KCNIP4: variants seen among roughly 807,000 people sequenced by gnomAD.
KCNIP4 encodes the protein Kv channel-interacting protein 4.
A neutral mutation model predicts 34.0 loss-of-function variants in KCNIP4; 12 were observed. The ratio of observed to expected loss-of-function variants is 0.35; its 90% CI spans 0.23 to 0.57. The LOEUF is 0.57. KCNIP4 is among the 20% of genes least tolerant of loss of function. KCNIP4 has a pLI of 0.83. For synonymous variants in KCNIP4, 124 were observed against 102.2 expected (o/e 1.21, Z -1.29); for missense variants, 238 against 311.7 (o/e 0.76, Z 1.78).
intron 3 of KCNIP4, among the ~76,000 whole-genome samples, chr4:20,800,248 C>A (rs1180838450): frequency 6.6e-6 from 1 of 152,220 alleles, no homozygotes. Flanking sequence ...AGCCACTGCA[C>A]TTTGCCCAAC....
At chr4:20,981,601 G>T (rs1047801273) in intron 1 of KCNIP4, among the ~76,000 whole-genome samples, 4 of 152,188 alleles carry the variant, frequency 2.6e-5, no homozygotes, top group Non-Finnish European at 5.9e-5. Context: ...TGACAAGTCA[G>T]TTAACTTTAC....
At chr4:21,206,755 T>A (rs1473176849) in intron 1 of KCNIP4, among the ~76,000 whole-genome samples, 3 of 152,226 alleles carry the variant, frequency 2.0e-5, no homozygotes, top group African/African-American at 7.2e-5. Context: ...GATGCAGATT[T>A]GTATTCACAT....
At chr4:21,675,019 C>A (rs899129802) in intron 1 of KCNIP4, among the ~76,000 whole-genome samples, 2 of 152,106 alleles carry the variant, frequency 1.3e-5, no homozygotes, top group South Asian at 2.1e-4. Flanking sequence ...GCACTACTTA[C>A]AATAGCTAAG....
chr4:21,055,929 T>C (rs1743359131), intron 1 of KCNIP4, among the ~76,000 whole-genome samples: 1 of 152,148 alleles, frequency 6.6e-6, no homozygotes, highest in East Asian at 1.9e-4. Flanking sequence ...AACCCTCATA[T>C]AAACTACAAA....
At chr4:21,028,672 T>C (rs1431789034) in intron 1 of KCNIP4, among the ~76,000 whole-genome samples, 1 of 152,150 alleles carries the variant, frequency 6.6e-6, no homozygotes, top group Non-Finnish European at 1.5e-5. Context: ...ACATGACTGC[T>C]AGATGCCAGT....
chr4:21,522,687 T>C (rs1275062783), intron 1 of KCNIP4, among the ~76,000 whole-genome samples: 1 of 152,020 alleles, frequency 6.6e-6, no homozygotes, highest in Non-Finnish European at 1.5e-5. Context: ...CTACCTCTAC[T>C]AGTTACTACC....
intron 1 of KCNIP4, among the ~76,000 whole-genome samples, chr4:21,444,775 G>C (rs567435218): frequency 4.0e-4 from 61 of 152,232 alleles, no homozygotes; most frequent in Non-Finnish European, 7.9e-4. Flanking sequence ...GTTCTGGCCA[G>C]GGCAATCAGG....
At chr4:21,523,608 A>C (rs971568068) in intron 1 of KCNIP4, among the ~76,000 whole-genome samples, 1 of 151,394 alleles carries the variant, frequency 6.6e-6, no homozygotes, top group Non-Finnish European at 1.5e-5. Flanking sequence ...ATCAGTCTCT[A>C]TCACCCAGGT....
At chr4:21,759,798 C>G (rs1182103645) in intron 1 of KCNIP4, among the ~76,000 whole-genome samples, 2 of 152,038 alleles carry the variant, frequency 1.3e-5, no homozygotes, top group Non-Finnish European at 2.9e-5. Flanking sequence ...TGCCACCTGT[C>G]CTTGTAAACT....
chr4:21,424,098 C>A (rs997751101), intron 1 of KCNIP4, among the ~76,000 whole-genome samples: 1 of 151,036 alleles, frequency 6.6e-6, no homozygotes. Context: ...GGATTACAGG[C>A]GTGAGCCACC....
intron 1 of KCNIP4, among the ~76,000 whole-genome samples, chr4:21,245,882 A>G (rs565246547): frequency 3.4e-4 from 52 of 152,334 alleles, no homozygotes; most frequent in South Asian, 1.2e-3. Flanking sequence ...TGATACTATA[A>G]ATTATTACAT....
intron 1 of KCNIP4, among the ~76,000 whole-genome samples, chr4:21,056,618 C>T (rs1743429884): frequency 6.6e-6 from 1 of 152,130 alleles, no homozygotes. Context: ...GAAGATTAGA[C>T]CACAGAGCAA....
At chr4:21,940,725 A>G (rs1730157999) in intron 1 of KCNIP4, among the ~76,000 whole-genome samples, 1 of 152,206 alleles carries the variant, frequency 6.6e-6, no homozygotes, top group Admixed American at 6.5e-5. Flanking sequence ...TACTTCATAT[A>G]TTCTCGCCTT....
chr4:21,221,597 C>T (rs1757985484), intron 1 of KCNIP4, among the ~76,000 whole-genome samples: 1 of 152,152 alleles, frequency 6.6e-6, no homozygotes, highest in Non-Finnish European at 1.5e-5. Context: ...TCAATTACCT[C>T]CACCTGGTCT....
At chr4:20,759,613 C>G (rs978755558) in intron 3 of KCNIP4, among the ~76,000 whole-genome samples, 2 of 151,752 alleles carry the variant, frequency 1.3e-5, no homozygotes, top group South Asian at 2.1e-4. Context: ...AAGGTTAGCC[C>G]TCTGAGAGTG....
At chr4:21,386,849 T>C (rs2172882) in intron 1 of KCNIP4, among the ~76,000 whole-genome samples, 115,871 of 152,078 alleles carry the variant, frequency 0.76, 45,968 homozygotes, top group Non-Finnish European at 0.89. Flanking sequence ...GCTGCCTATC[T>C]AGCCTCAAAA....
chr4:21,796,877 A>G (rs1021590258), intron 1 of KCNIP4, among the ~76,000 whole-genome samples: 1 of 152,236 alleles, frequency 6.6e-6, no homozygotes, highest in Non-Finnish European at 1.5e-5. Flanking sequence ...TAAGTGATAC[A>G]GTATTTTACA....
chr4:21,816,667 G>T (rs916601700), intron 1 of KCNIP4, among the ~76,000 whole-genome samples: 2 of 152,092 alleles, frequency 1.3e-5, no homozygotes, highest in East Asian at 1.9e-4. Flanking sequence ...CTCTGATGAG[G>T]ATTTGTTATG....
At chr4:21,248,017 G>T (rs1560213262) in intron 1 of KCNIP4, among the ~76,000 whole-genome samples, 2 of 139,416 alleles carry the variant, frequency 1.4e-5, no homozygotes, top group East Asian at 2.1e-4. Context: ...CCCACAGGTG[G>T]ATATATATAT....
Sources: allele counts gnomAD v4.1 joint callset (sites outside exome capture counted in the v4.1 genomes callset), GRCh38; gene constraint gnomAD v4.1.1; transcripts MANE v1.5; gene names NCBI Gene and HGNC (gene_info 2026-07-23, HGNC 2026-07-21).